The following CASK variants were observed in gnomAD, a reference collection of about 807,000 sequenced individuals.
CASK encodes calcium/calmodulin dependent serine protein kinase.
A neutral mutation model predicts 82.9 loss-of-function variants in CASK; 4 were observed. The observed-to-expected ratio is 0.05, with a 90% CI of 0.02 to 0.11. The LOEUF is 0.11. Ranked by LOEUF, CASK falls within the 10% of genes least tolerant of loss-of-function variation. The pLI, the probability that CASK is intolerant of heterozygous loss-of-function variation, is 1.00. For synonymous variants in CASK, 259 were observed against 253.5 expected, an observed-to-expected ratio of 1.02 and a Z score of -0.20; for missense variants, 358 against 720.9, an observed-to-expected ratio of 0.50 and a Z score of 5.76.
chrX:41,729,954 T>C (rs1183578399), intron 5 of CASK: 2 of 116,552 alleles, frequency 1.7e-5, no homozygotes, highest in African/African-American at 6.9e-5. Context: ...GGTGACTATA[T>C]TCTGTAATAA....
chrX:41,790,119 CTT>C, intron 2 of CASK: 6 of 635,825 alleles, frequency 9.4e-6, no homozygotes, highest in South Asian at 3.2e-5. Context: ...TTAGTAGAGA[CTT>C]TTTTTTTTCT....
intron 2 of CASK, among the ~76,000 whole-genome samples, chrX:41,811,658 C>T (rs1186666611): frequency 1.8e-5 from 2 of 112,073 alleles, no homozygotes; most frequent in Non-Finnish European, 3.8e-5. Flanking sequence ...AATTGACACC[C>T]TAATATCACA....
chrX:41,711,517 G>A (rs2067977025), intron 5 of CASK, among the ~76,000 whole-genome samples: 1 of 110,821 alleles, frequency 9.0e-6, no homozygotes, highest in Admixed American at 9.6e-5. Context: ...ACAGATAGGG[G>A]CGAGTCCTCA....
chrX:41,819,115 A>C lies in CASK; in HGVS notation c.173-31832T>G, dbSNP rs185140349. Among the ~76,000 whole-genome samples, 248 of 111,628 alleles carry C rather than the reference A, an allele frequency of 2.2e-3. 3 individuals are homozygous for C. Among genetic ancestry groups the C allele is most frequent in the Non-Finnish European group, 4.1e-3 (215 of 53,063 alleles). On this transcript the variant is annotated intron_variant, in intron 2 of 26. Coordinates refer to ENST00000378163, the MANE Select transcript of CASK (RefSeq NM_001367721.1). ...AGTTAATGATACCAAAAGCTTGTTC[A>C]ATGTATGATCAATGAAAATAATAAA...
intron 26 of CASK, among the ~76,000 whole-genome samples, chrX:41,522,601 CA>C: frequency 8.9e-6 from 1 of 112,199 alleles, no homozygotes; most frequent in East Asian, 2.8e-4. Flanking sequence ...ACAATTCCTA[CA>C]ACATCACTCT....
intron 1 of CASK, among the ~76,000 whole-genome samples, chrX:41,881,508 G>A (rs2071953452): frequency 9.0e-6 from 1 of 110,937 alleles, no homozygotes; most frequent in South Asian, 3.8e-4. Flanking sequence ...ATGACAGAAA[G>A]GACAGCTTCT....
intron 2 of CASK, among the ~76,000 whole-genome samples, chrX:41,830,697 G>A (rs2070780416): frequency 9.3e-6 from 1 of 107,460 alleles, no homozygotes; most frequent in Non-Finnish European, 1.9e-5. Context: ...GCGGGTGCCT[G>A]TAGTCCCAGC....
At chrX:41,571,793 C>T (rs1461104555) in intron 15 of CASK, among the ~76,000 whole-genome samples, 1 of 111,646 alleles carries the variant, frequency 9.0e-6, no homozygotes, top group African/African-American at 3.3e-5. Flanking sequence ...TTTAATGGTA[C>T]ATATTTCTCC....
intron 12 of CASK, among the ~76,000 whole-genome samples, chrX:41,602,922 T>G (rs1252365396): frequency 1.8e-5 from 2 of 111,165 alleles, no homozygotes; most frequent in African/African-American, 3.3e-5. Flanking sequence ...TAGAAAACAG[T>G]GGAGAGACAC....
At chrX:41,881,555 C>T (rs1413513828) in intron 1 of CASK, among the ~76,000 whole-genome samples, 1 of 111,121 alleles carries the variant, frequency 9.0e-6, no homozygotes, top group Non-Finnish European at 1.9e-5. Flanking sequence ...GCCCAGAAGA[C>T]CCTGGACCAT....
chrX:41,578,639 A>G (rs2065519513), intron 14 of CASK, 111 bp from the exon 15 acceptor site: 1 of 558,397 alleles, frequency 1.8e-6, no homozygotes, highest in African/African-American at 2.3e-5. Context: ...CCCAGGGTGC[A>G]GTGCAGTGGT....
At chrX:41,909,988 G>A (rs1237508633) in intron 1 of CASK, among the ~76,000 whole-genome samples, 1 of 111,644 alleles carries the variant, frequency 9.0e-6, no homozygotes, top group Non-Finnish European at 1.9e-5. Context: ...TTGGGAGGCC[G>A]AGGCAGGCAG....
intron 12 of CASK, among the ~76,000 whole-genome samples, chrX:41,605,472 C>G: frequency 9.2e-6 from 1 of 109,222 alleles, no homozygotes; most frequent in Middle Eastern, 4.7e-3. Context: ...TGTGGTGGTG[C>G]ACCTGTGGTC....
intron 3 of CASK, among the ~76,000 whole-genome samples, chrX:41,784,354 A>G (rs934134570): frequency 1.8e-5 from 2 of 112,436 alleles, no homozygotes; most frequent in African/African-American, 6.5e-5. Flanking sequence ...ATTCATGGTA[A>G]GCTGTTTAAG....
intron 9 of CASK, among the ~76,000 whole-genome samples, chrX:41,628,752 A>G (rs773275738): frequency 8.9e-6 from 1 of 112,579 alleles, no homozygotes; most frequent in South Asian, 3.6e-4. Context: ...GTTCTTATGC[A>G]GAATTATAGT....
In CASK at chrX:41,623,693, T is replaced by C. The variant is rs752962085; in HGVS notation, c.1016-1059A>G. 8.9e-5 allele frequency among the ~76,000 whole-genome samples: 10 copies of C among 111,950 alleles called. No homozygotes were observed. The East Asian group carries it at 2.8e-3, about 31-fold the overall frequency. ...TCCCAAAGTGCTGGGATTACAGGCA[T>C]GAGCCACTGTGCCTGGCCCCTTTTC... is the stretch of plus-strand genomic sequence containing the variant. On this transcript the variant is annotated intron_variant, in intron 10 of 26. Transcript: ENST00000378163.
At chrX:41,814,126 C>A (rs1466676843) in intron 2 of CASK, among the ~76,000 whole-genome samples, 3 of 111,984 alleles carry the variant, frequency 2.7e-5, no homozygotes, top group African/African-American at 6.5e-5. Flanking sequence ...GAAATAGGAA[C>A]ACTTTTACAC....
intron 8 of CASK, among the ~76,000 whole-genome samples, chrX:41,658,519 C>T (rs1176033832): frequency 8.9e-6 from 1 of 112,010 alleles, no homozygotes; most frequent in African/African-American, 3.3e-5. Flanking sequence ...TCACAGAAGT[C>T]TTCTGTATTG....
intron 2 of CASK, among the ~76,000 whole-genome samples, chrX:41,835,173 T>G (rs188808882): frequency 2.7e-5 from 3 of 112,799 alleles, no homozygotes; most frequent in African/African-American, 9.6e-5. Context: ...AAATCATTTT[T>G]AACTTGTGAA....
Sources: gnomAD v4.1 joint callset for allele counts (sites outside exome capture counted in the v4.1 genomes callset) on GRCh38, gnomAD v4.1.1 for gene constraint, MANE v1.5 for transcripts, NCBI Gene and HGNC (gene_info 2026-07-23, HGNC 2026-07-21) for gene names.